The following RBFOX1 variants were observed in gnomAD, a reference collection of about 807,000 sequenced individuals.
RBFOX1 encodes the protein RNA binding fox-1 homolog 1.
A neutral mutation model predicts 57.7 loss-of-function variants in RBFOX1; 8 were observed. The ratio of observed to expected loss-of-function variants is 0.14; its 90% CI spans 0.08 to 0.25. The LOEUF (loss-of-function observed/expected upper bound fraction) is 0.25. RBFOX1 is among the 10% of genes least tolerant of loss of function. The pLI is 1.00. For synonymous variants in RBFOX1, 326 were observed against 222.4 expected, an observed-to-expected ratio of 1.47 and a Z score of -4.15; for missense variants, 611 against 548.5, an observed-to-expected ratio of 1.11 and a Z score of -1.14.
chr16:6,749,262 C>T (rs561249081), intron 3 of RBFOX1, among the ~76,000 whole-genome samples: 3 of 152,138 alleles, frequency 2.0e-5, no homozygotes. Context: ...CTGGGTTCCT[C>T]ATTGGTACAG....
Position 6,036,353 on chromosome 16 carries a change from T to C in RBFOX1, c.-127+16361T>C, listed in dbSNP as rs17139208. 2.9e-3 allele frequency among the ~76,000 whole-genome samples: 440 copies of C among 151,770 alleles called. 3 individuals carry two copies. The highest frequency in any genetic ancestry group is 6.9e-3 in the Middle Eastern group (2 of 290). ...CAGGTTTCAGAGTTGAAAATGCTTT[T>C]AGGTGGCATCATAGAACCATCCATT... On this transcript the variant is annotated intron_variant, in intron 1 of 15. Coordinates refer to ENST00000550418, the MANE Select transcript of RBFOX1 (RefSeq NM_018723.4).
At chr16:7,225,905 A>AATAAATAAATATATATATATATATAT (rs66510060) in intron 4 of RBFOX1, among the ~76,000 whole-genome samples, 38 of 93,736 alleles carry the variant, frequency 4.1e-4, no homozygotes, top group African/African-American at 1.7e-3. Context: ...AAGTATAATA[A>AATAAATAAATATATATATATATATAT]ATATATATAT....
intron 1 of RBFOX1, among the ~76,000 whole-genome samples, chr16:5,305,788 T>C (rs2063917967): frequency 6.6e-6 from 1 of 152,288 alleles, no homozygotes; most frequent in South Asian, 2.1e-4. Flanking sequence ...CCAGATGCGG[T>C]GGCTTATCCC....
intron 4 of RBFOX1, among the ~76,000 whole-genome samples, chr16:7,318,066 G>A (rs921645560): frequency 2.6e-5 from 4 of 151,968 alleles, no homozygotes; most frequent in Admixed American, 6.6e-5. Context: ...GAATGGTGAC[G>A]GTGGTAGTAG....
intron 1 of RBFOX1, among the ~76,000 whole-genome samples, chr16:6,161,631 C>T (rs2096880052): frequency 1.3e-5 from 2 of 151,978 alleles, no homozygotes; most frequent in South Asian, 2.1e-4. Context: ...ATGACAAATG[C>T]CCAACATCAT....
intron 3 of RBFOX1, among the ~76,000 whole-genome samples, chr16:7,050,021 A>T (rs2153726000): frequency 6.6e-6 from 1 of 152,142 alleles, no homozygotes; most frequent in East Asian, 1.9e-4. Flanking sequence ...TTTTCCATTA[A>T]CCCAGTCCTC....
chr16:5,253,495 C>T (rs1055465341), intron 1 of RBFOX1, among the ~76,000 whole-genome samples: 1 of 152,142 alleles, frequency 6.6e-6, no homozygotes, highest in Non-Finnish European at 1.5e-5. Flanking sequence ...CTTCAAGCAT[C>T]TAGGACTCTG....
chr16:7,417,135 G>A (rs1002074790), intron 4 of RBFOX1, among the ~76,000 whole-genome samples: 6 of 151,862 alleles, frequency 4.0e-5, no homozygotes, highest in Admixed American at 6.6e-5. Context: ...TTTGGGAGGC[G>A]GAGGCGGGTG....
rs34797833 is a variant in RBFOX1 at position 6,243,137 on chromosome 16, C to CGTGTGTGTGTGTGT, written c.-126-73852_-126-73851insGTGTGTGTGTGTGT. Among the ~76,000 whole-genome samples the CGTGTGTGTGTGTGT allele has an allele frequency of 6.3e-4, 95 of 150,432 alleles. 2 individuals carry two copies. The highest frequency in any genetic ancestry group is 2.4e-3 in the East Asian group (12 of 5,098). On this transcript the variant is annotated intron_variant, in intron 1 of 15. Transcript: ENST00000550418. ...GCAGTTGGATAAATTGATATTTATA[C>CGTGTGTGTGTGTGT]GTGTGTCTGTGTGTGTGTGTGTGTG...
intron 3 of RBFOX1, among the ~76,000 whole-genome samples, chr16:6,892,567 G>T (rs559889489): frequency 6.6e-6 from 1 of 152,134 alleles, no homozygotes; most frequent in South Asian, 2.1e-4. Context: ...CTACTCAGGA[G>T]CCTGAGGCAG....
chr16:6,007,488 G>A (rs1022754783), intron 4 of RBFOX1, among the ~76,000 whole-genome samples: 52 of 152,170 alleles, frequency 3.4e-4, no homozygotes, highest in Admixed American at 2.6e-3. Context: ...TTGACATGTT[G>A]ATTCCAGCCT....
intron 3 of RBFOX1, among the ~76,000 whole-genome samples, chr16:6,915,550 C>CTT (rs141753685): frequency 2.2e-4 from 27 of 123,520 alleles, no homozygotes; most frequent in Middle Eastern, 4.2e-3. Context: ...CCACACCCCC[C>CTT]TTTTTTTTTT....
At chr16:7,402,986 A>C (rs1349003574) in intron 4 of RBFOX1, among the ~76,000 whole-genome samples, 1 of 152,162 alleles carries the variant, frequency 6.6e-6, no homozygotes, top group Non-Finnish European at 1.5e-5. Flanking sequence ...TCTGATCTTG[A>C]AGGAGGAGGT....
chr16:5,372,002 A>AG (rs1265031979), intron 1 of RBFOX1, among the ~76,000 whole-genome samples: 1 of 152,144 alleles, frequency 6.6e-6, no homozygotes, highest in African/African-American at 2.4e-5. Context: ...TGTCCTCATA[A>AG]GGGGGGAATC....
At chr16:7,082,848 A>T (rs1388070503) in intron 4 of RBFOX1, among the ~76,000 whole-genome samples, 1 of 152,176 alleles carries the variant, frequency 6.6e-6, no homozygotes, top group Non-Finnish European at 1.5e-5. Context: ...TTGATTAATT[A>T]TTGTGTTGAG....
rs201173161 is a variant in RBFOX1 at position 7,238,334 on chromosome 16, A to T, written c.27+186236A>T. Among the ~76,000 whole-genome samples, 193 of 150,220 alleles carry T rather than the reference A, an allele frequency of 1.3e-3. 1 individual carries two copies. The highest frequency in any genetic ancestry group is 6.8e-3 in the Middle Eastern group (2 of 294). On this transcript the variant is annotated intron_variant, in intron 4 of 15. Transcript: ENST00000550418. ...ACTGCAGACTTAAAATGGTAAAAAAAAAATAAATAAATAAAATAAAAATTA... is the reference window on the plus strand; with the variant it reads ...ACTGCAGACTTAAAATGGTAAAAAATAAATAAATAAATAAAATAAAAATTA...
intron 1 of RBFOX1, among the ~76,000 whole-genome samples, chr16:6,206,512 G>A (rs1430009490): frequency 6.6e-6 from 1 of 152,108 alleles, no homozygotes; most frequent in East Asian, 1.9e-4. Flanking sequence ...TGATGGCAGA[G>A]GTATCATCTG....
intron 1 of RBFOX1, among the ~76,000 whole-genome samples, chr16:6,187,666 A>G (rs2097113708): frequency 6.6e-6 from 1 of 152,190 alleles, no homozygotes; most frequent in African/African-American, 2.4e-5. Context: ...GGAACTGAGC[A>G]AGTAGGTAGT....
At chr16:5,309,632 T>C (rs926832681) in intron 1 of RBFOX1, among the ~76,000 whole-genome samples, 13 of 152,208 alleles carry the variant, frequency 8.5e-5, no homozygotes, top group Admixed American at 8.5e-4. Context: ...ATTGTACCTG[T>C]GGAGTCATTT....
Sources: allele counts gnomAD v4.1 joint callset (sites outside exome capture counted in the v4.1 genomes callset), GRCh38; gene constraint gnomAD v4.1.1; transcripts MANE v1.5; gene names NCBI Gene and HGNC (gene_info 2026-07-23, HGNC 2026-07-21).